FGF1: variants seen among roughly 807,000 people sequenced by gnomAD.
FGF1 encodes fibroblast growth factor 1, also known as beta-endothelial cell growth factor.
A neutral mutation model predicts 13.4 loss-of-function variants in FGF1; 9 were observed. That is an observed-to-expected ratio of 0.67 (90% confidence interval 0.40 to 1.17). FGF1 has a LOEUF of 1.17. Ranked by LOEUF, FGF1 falls within the 50% of genes most tolerant of loss-of-function variation. The probability of loss-of-function intolerance (pLI) is 0.01; values close to 1 mark genes in which losing one functional copy is unlikely to be tolerated. For synonymous variants in FGF1, 93 were observed against 79.0 expected, an observed-to-expected ratio of 1.18 and a Z score of -0.94; for missense variants, 156 against 192.7, an observed-to-expected ratio of 0.81 and a Z score of 1.13.
intron 1 of FGF1, among the ~76,000 whole-genome samples, chr5:142,646,856 C>G (rs1181594101): frequency 6.6e-6 from 1 of 152,110 alleles, no homozygotes; most frequent in East Asian, 1.9e-4. Flanking sequence ...GATGTCTGAC[C>G]CTGTCATCGT....
chr5:142,646,685 G>A (rs1180635322), intron 1 of FGF1, among the ~76,000 whole-genome samples: 2 of 152,094 alleles, frequency 1.3e-5, no homozygotes, highest in African/African-American at 4.8e-5. Context: ...GTAGAGACGA[G>A]GTTTCACCAT....
intron 1 of FGF1, among the ~76,000 whole-genome samples, chr5:142,657,540 G>A (rs1408014145): frequency 3.3e-5 from 5 of 152,234 alleles, no homozygotes; most frequent in East Asian, 1.9e-4. Context: ...GCCTGAGGCC[G>A]TGTGGTCAGC....
chr5:142,693,053 C>T (rs10515515), intron 2 of FGF1, among the ~76,000 whole-genome samples: 6,899 of 151,772 alleles, frequency 0.045, 228 homozygotes, highest in South Asian at 0.098. Flanking sequence ...TCTAAAATGT[C>T]TGTCCAGGAA....
At chr5:142,635,809 A>G (rs17217030) in intron 1 of FGF1, among the ~76,000 whole-genome samples, 42 of 152,316 alleles carry the variant, frequency 2.8e-4, no homozygotes, top group Middle Eastern at 3.4e-3. Context: ...AGTCTGGGTG[A>G]TATTTTTTCT....
At chr5:142,627,950 G>A (rs1762738595) in intron 1 of FGF1, among the ~76,000 whole-genome samples, 1 of 152,134 alleles carries the variant, frequency 6.6e-6, no homozygotes, top group African/African-American at 2.4e-5. Context: ...CACCACCGAT[G>A]GCTCTCATGG....
At chr5:142,631,696 C>G (rs986302949) in intron 1 of FGF1, among the ~76,000 whole-genome samples, 1 of 152,010 alleles carries the variant, frequency 6.6e-6, no homozygotes, top group Non-Finnish European at 1.5e-5. Context: ...TTGCCTCAGA[C>G]TTCAATACAG....
chr5:142,693,693 C>T (rs1039130243), intron 2 of FGF1, among the ~76,000 whole-genome samples: 2 of 152,118 alleles, frequency 1.3e-5, no homozygotes, highest in Non-Finnish European at 2.9e-5. Context: ...TTCCCCATTC[C>T]TCCCTCCTGC....
chr5:142,611,208 C>T (rs1470953666), intron 2 of FGF1, among the ~76,000 whole-genome samples: 1 of 152,146 alleles, frequency 6.6e-6, no homozygotes, highest in Non-Finnish European at 1.5e-5. Flanking sequence ...CTGAATAACC[C>T]TTGAAACTCA....
At chr5:142,653,397 A>G (rs1767600481) in intron 1 of FGF1, among the ~76,000 whole-genome samples, 1 of 152,192 alleles carries the variant, frequency 6.6e-6, no homozygotes, top group South Asian at 2.1e-4. Flanking sequence ...AAAGGAGCAC[A>G]TAGAAGTGAA....
chr5:142,672,406 CAAT>C (rs1771649665), intron 1 of FGF1, among the ~76,000 whole-genome samples: 1 of 151,258 alleles, frequency 6.6e-6, no homozygotes, highest in South Asian at 2.1e-4. Flanking sequence ...ATATTCAAAA[CAAT>C]AAAAAAAACT....
intron 1 of FGF1, among the ~76,000 whole-genome samples, chr5:142,621,526 TACTCTTTCTTAAAATTC>T (rs1441427758): frequency 2.0e-5 from 3 of 152,074 alleles, no homozygotes; most frequent in Non-Finnish European, 4.4e-5. Flanking sequence ...CTAACCTCCC[TACTCTTTCTTAAAATTC>T]ACATATACCA....
chr5:142,690,253 C>T (rs979904300), upstream of FGF1, among the ~76,000 whole-genome samples: 1 of 150,744 alleles, frequency 6.6e-6, no homozygotes, highest in Non-Finnish European at 1.5e-5. Flanking sequence ...CCCGGTGAAC[C>T]CGGCGAACCC....
At chr5:142,619,692 G>A (rs576799014) in intron 1 of FGF1, among the ~76,000 whole-genome samples, 70 of 152,118 alleles carry the variant, frequency 4.6e-4, no homozygotes, top group South Asian at 1.0e-3. Context: ...AATTAGCCGG[G>A]CATGGTGGCG....
intron 3 of FGF1, among the ~76,000 whole-genome samples, chr5:142,599,784 G>A (rs1468969990): frequency 3.3e-5 from 5 of 152,166 alleles, no homozygotes; most frequent in Non-Finnish European, 5.9e-5. Context: ...TAGGGAAAGG[G>A]CAGGGAACAT....
In FGF1 at chr5:142,593,266, C is replaced by A. The variant is rs1448860501; in HGVS notation, c.*2024G>T. ...TGGCCAAATCTTCATACTAAAGAGA[C>A]GTTAAGCCACACTGCATTTTCTCTA... On this transcript the variant is annotated 3_prime_UTR_variant, in exon 4 of 4. Coordinates refer to ENST00000337706, the MANE Select transcript of FGF1 (RefSeq NM_000800.5). The A allele has an allele frequency of 6.6e-6, 1 of 152,138 alleles. No homozygotes were observed. Among genetic ancestry groups the A allele is most frequent in the Admixed American group, 6.5e-5 (1 of 15,272 alleles). The allele number at this position is 152,138 out of a possible 1,614,324, so 9.4% of individuals were successfully genotyped here.
intron 2 of FGF1, among the ~76,000 whole-genome samples, chr5:142,610,115 A>G (rs1384254156): frequency 1.3e-5 from 2 of 152,144 alleles, no homozygotes; most frequent in Non-Finnish European, 2.9e-5. Context: ...GTGTTCTTAG[A>G]GTGATAATAA....
At chr5:142,607,234 G>A (rs958927439) in intron 2 of FGF1, among the ~76,000 whole-genome samples, 2 of 152,128 alleles carry the variant, frequency 1.3e-5, no homozygotes, top group African/African-American at 2.4e-5. Flanking sequence ...GAGGCAGGAC[G>A]GGTGGATGAG....
chr5:142,645,462 A>G (rs1215582576), intron 1 of FGF1, among the ~76,000 whole-genome samples: 1 of 152,184 alleles, frequency 6.6e-6, no homozygotes, highest in Non-Finnish European at 1.5e-5. Context: ...TTGGCATCCA[A>G]CTGACCTGGG....
intron 1 of FGF1, among the ~76,000 whole-genome samples, chr5:142,637,930 C>T (rs985831892): frequency 1.2e-4 from 18 of 152,012 alleles, no homozygotes; most frequent in Non-Finnish European, 2.5e-4. Context: ...GGTCTTATGA[C>T]TCTGTGGGGC....
Sources: allele counts gnomAD v4.1 joint callset (sites outside exome capture counted in the v4.1 genomes callset), GRCh38; gene constraint gnomAD v4.1.1; transcripts MANE v1.5; gene names NCBI Gene and HGNC (gene_info 2026-07-23, HGNC 2026-07-21).